ERC2: variants seen among roughly 807,000 people sequenced by gnomAD.
The protein encoded by ERC2 is ERC protein 2.
Under a neutral mutation model 114.8 loss-of-function variants are expected in ERC2, and 42 were observed. The observed-to-expected ratio is 0.37, with a 90% CI of 0.29 to 0.47. The LOEUF (loss-of-function observed/expected upper bound fraction) is 0.47. Among genes scored for constraint, ERC2 ranks in the 20% least tolerant of loss-of-function variants. The probability of loss-of-function intolerance (pLI) is 0.99; values close to 1 mark genes in which losing one functional copy is unlikely to be tolerated. For missense variants in ERC2, 939 were observed against 1,150.7 expected (o/e 0.82, Z 2.66); for synonymous variants, 454 against 425.5 (o/e 1.07, Z -0.82).
chr3:56,262,763 C>T (rs1028086307), intron 3 of ERC2, among the ~76,000 whole-genome samples: 10 of 152,214 alleles, frequency 6.6e-5, no homozygotes, highest in African/African-American at 1.2e-4. Flanking sequence ...TAACTTTCCT[C>T]TCATTACATA....
At chr3:55,844,876 C>A (rs2061282716) in intron 14 of ERC2, among the ~76,000 whole-genome samples, 1 of 152,216 alleles carries the variant, frequency 6.6e-6, no homozygotes, top group African/African-American at 2.4e-5. Flanking sequence ...TATAGGGCAG[C>A]AGTCCCCAGC....
intron 10 of ERC2, chr3:56,003,143 C>T: frequency 1.6e-6 from 2 of 1,287,792 alleles, no homozygotes; most frequent in South Asian, 2.5e-5. Context: ...TGCTACATTG[C>T]AAAGTTGGGG....
chr3:56,332,161 C>CAT lies in ERC2; in HGVS notation c.658-35727_658-35726insAT, dbSNP rs1338265929. On this transcript the variant is annotated intron_variant, in intron 2 of 17. Coordinates refer to ENST00000288221, the MANE Select transcript of ERC2 (RefSeq NM_015576.3). ...ACACACACACACATGTGCACACACA[C>CAT]ACACACAAGAGATTTCAAACACATA... Among the ~76,000 whole-genome samples, 9 of 152,100 alleles carry CAT rather than the reference C, an allele frequency of 5.9e-5. No homozygotes were observed. In the East Asian group the frequency reaches 1.7e-3, roughly 29 times the overall value.
chr3:55,535,863 G>A (rs1452407171), intron 17 of ERC2, among the ~76,000 whole-genome samples: 3 of 152,014 alleles, frequency 2.0e-5, no homozygotes, highest in Non-Finnish European at 4.4e-5. Flanking sequence ...ACATGGTGGC[G>A]GGTGCCTGTA....
rs567819605 is a variant in ERC2 at position 55,654,071 on chromosome 3, G to A, written c.*39+29723C>T. 2.3e-3 allele frequency among the ~76,000 whole-genome samples: 349 copies of A among 152,368 alleles called. 3 individuals carry two copies. Among genetic ancestry groups the A allele is most frequent in the African/African-American group, 8.0e-3 (334 of 41,600 alleles). On this transcript the variant is annotated intron_variant, in intron 17 of 17. Transcript: ENST00000288221. ...AACAGTTTGCACTCCAGAAAAGGAT[G>A]CTGAACTCAGCCTTCTTGATGAGGA...
intron 3 of ERC2, among the ~76,000 whole-genome samples, chr3:56,205,835 T>C (rs1373453472): frequency 2.0e-5 from 3 of 152,210 alleles, no homozygotes; most frequent in African/African-American, 4.8e-5. Context: ...CTAACCCTGC[T>C]GAATGGCTCT....
chr3:56,032,967 AAG>A (rs1560057104), intron 7 of ERC2, among the ~76,000 whole-genome samples: 1 of 103,470 alleles, frequency 9.7e-6, no homozygotes, highest in Non-Finnish European at 2.1e-5. Flanking sequence ...AACAGAAAGA[AAG>A]AAAGAAAGAG....
At chr3:55,689,144 C>T (rs998025232) in intron 16 of ERC2, among the ~76,000 whole-genome samples, 11 of 152,178 alleles carry the variant, frequency 7.2e-5, no homozygotes, top group Non-Finnish European at 1.0e-4. Context: ...CACTAGGACA[C>T]GCTGAGGCAG....
rs139564381 is a variant in ERC2 at position 55,604,956 on chromosome 3, G to A, written c.*39+78838C>T. On this transcript the variant is annotated intron_variant, in intron 17 of 17. Transcript: ENST00000288221. ...ACTCCATCTACAGAGATTCTGATTC[G>A]GTAGGTCTGGGCAAAACCTGAGAAT... Among the ~76,000 whole-genome samples, 175 of 152,188 alleles carry A rather than the reference G, an allele frequency of 1.1e-3. 1 individual carries two copies. Among genetic ancestry groups the A allele is most frequent in the African/African-American group, 3.6e-3 (151 of 41,530 alleles).
chr3:55,768,035 A>T lies in ERC2; in HGVS notation c.2565-33117T>A, dbSNP rs139053751. On this transcript the variant is annotated intron_variant, in intron 14 of 17. Transcript: ENST00000288221. ...ATCTGGTTGTTTAAAAGTGTGTAGC[A>T]CCTCCTTCTCCACTCTCTTCCTCCT... is the stretch of plus-strand genomic sequence containing the variant. 7.5e-3 allele frequency among the ~76,000 whole-genome samples: 1,133 copies of T among 151,616 alleles called. 16 individuals are homozygous for T. The highest frequency in any genetic ancestry group is 0.026 in the African/African-American group (1,076 of 41,304).
chr3:56,333,699 T>C (rs2057731384), intron 2 of ERC2, among the ~76,000 whole-genome samples: 1 of 86,886 alleles, frequency 1.2e-5, no homozygotes, highest in Non-Finnish European at 3.1e-5. Context: ...CAAATGAACA[T>C]TTTTTTTTTC....
chr3:55,931,474 C>G (rs756913270), intron 13 of ERC2, among the ~76,000 whole-genome samples: 3 of 152,054 alleles, frequency 2.0e-5, no homozygotes, highest in Non-Finnish European at 4.4e-5. Flanking sequence ...AAGCTGGAAA[C>G]GATCATTCTC....
At position 55,816,205 on chromosome 3, in the gene ERC2, C is replaced by T. The variant is rs915799096; in HGVS notation, c.2564+72184G>A. 2.0e-5 allele frequency among the ~76,000 whole-genome samples: 3 copies of T among 151,884 alleles called. No homozygotes were observed. The East Asian group carries it at 5.8e-4, about 29-fold the overall frequency. ...GAATCCCAAATGGGGGAATTTTAAG[C>T]GTGTATCGGATGGGAGAGGCTTTCC... On this transcript the variant is annotated intron_variant, in intron 14 of 17. Coordinates refer to ENST00000288221, the MANE Select transcript of ERC2 (RefSeq NM_015576.3).
intron 7 of ERC2, among the ~76,000 whole-genome samples, chr3:56,054,319 G>A (rs112080597): frequency 5.3e-5 from 8 of 152,306 alleles, no homozygotes; most frequent in East Asian, 1.9e-4. Context: ...TCGTTGAACG[G>A]GGGAGATTTA....
intron 7 of ERC2, among the ~76,000 whole-genome samples, chr3:56,024,914 TAA>T: frequency 6.6e-6 from 1 of 152,322 alleles, no homozygotes; most frequent in South Asian, 2.1e-4. Context: ...ACAGAAATCA[TAA>T]GTGTGTATAC....
chr3:56,111,388 C>T (rs1427625940), intron 6 of ERC2, among the ~76,000 whole-genome samples: 1 of 151,244 alleles, frequency 6.6e-6, no homozygotes, highest in South Asian at 2.1e-4. Context: ...TCTCCCTCAA[C>T]CTCTCCCTCT....
intron 2 of ERC2, among the ~76,000 whole-genome samples, chr3:56,364,850 C>G (rs765891218): frequency 6.6e-6 from 1 of 152,178 alleles, no homozygotes; most frequent in African/African-American, 2.4e-5. Context: ...CATTCTTCTT[C>G]GCTGGGTGAG....
At chr3:55,900,323 T>C (rs2149343159) in intron 13 of ERC2, among the ~76,000 whole-genome samples, 1 of 152,342 alleles carries the variant, frequency 6.6e-6, no homozygotes, top group Middle Eastern at 3.4e-3. Flanking sequence ...ATTATAATTT[T>C]GTTTCTTCAG....
At chr3:55,957,860 C>T (rs1164117336) in intron 12 of ERC2, among the ~76,000 whole-genome samples, 6 of 152,222 alleles carry the variant, frequency 3.9e-5, no homozygotes, top group Non-Finnish European at 8.8e-5. Context: ...CCAGGTACCA[C>T]AGAGCCTCAG....
Sources: gnomAD v4.1 joint callset for allele counts (sites outside exome capture counted in the v4.1 genomes callset) on GRCh38, gnomAD v4.1.1 for gene constraint, MANE v1.5 for transcripts, NCBI Gene and HGNC (gene_info 2026-07-23, HGNC 2026-07-21) for gene names.